PAN2: variants seen among roughly 807,000 people sequenced by gnomAD.
PAN2 encodes the protein PAN2-PAN3 deadenylation complex catalytic subunit PAN2.
In PAN2, 68 loss-of-function variants were observed where a neutral mutation model predicts 133.3. The ratio of observed to expected loss-of-function variants is 0.51; its 90% confidence interval spans 0.42 to 0.62. The LOEUF (loss-of-function observed/expected upper bound fraction) is 0.62. Ranked by LOEUF, PAN2 falls within the 20% of genes least tolerant of loss-of-function variation. The pLI is 0.00. For missense variants in PAN2, 1,042 were observed against 1,500.5 expected (o/e 0.69, Z 5.05); for synonymous variants, 462 against 544.6 (o/e 0.85, Z 2.11).
intron 9 of PAN2, 91 bp downstream of exon 9, chr12:56,325,244 C>T: frequency 6.3e-7 from 1 of 1,586,622 alleles, no homozygotes; most frequent in Non-Finnish European, 8.6e-7. Context: ...AGTTGAAGGC[C>T]TCCTGACTGA....
intron 2 of PAN2, chr12:56,332,600 GA>G (rs373985446): frequency 0.18 from 56,822 of 319,234 alleles, 181 homozygotes; most frequent in East Asian, 0.24. Context: ...ACCCTGTCTC[GA>G]AAAAAAAAAA....
intron 8 of PAN2, among the ~76,000 whole-genome samples, chr12:56,325,822 G>A (rs538606214): frequency 9.2e-5 from 14 of 152,242 alleles, no homozygotes; most frequent in African/African-American, 2.6e-4. Context: ...CAGCTACTCC[G>A]GCCAGACTGG....
At position 56,319,607 on chromosome 12, in the gene PAN2, C is replaced by T. The variant is rs1341022975; in HGVS notation, c.3090+14G>A. On this transcript the variant is annotated intron_variant, in intron 22 of 25. Coordinates refer to ENST00000440411, the MANE Select transcript of PAN2 (RefSeq NM_014871.6). This position sits in a 1 kb window ranked among gnomAD's most constrained non-coding sequence, Gnocchi z 5.4. ...ACCAGGGTGTGCCTCACTTGCATCT[C>T]CATATCCTAATACCTGCTCCTGGGT... 6.2e-7 allele frequency: 1 copy of T among 1,601,008 alleles called. No homozygotes were observed. Among genetic ancestry groups the T allele is most frequent in the Non-Finnish European group, 8.5e-7 (1 of 1,173,878 alleles).
At chr12:56,331,113 AC>A (rs1272681754) in intron 2 of PAN2, among the ~76,000 whole-genome samples, 1 of 152,054 alleles carries the variant, frequency 6.6e-6, no homozygotes, top group Middle Eastern at 3.2e-3. Context: ...ATTTTTCTTA[AC>A]AGTACTAATC....
At chr12:56,323,421 T>C in intron 15 of PAN2, 37 bp from the exon 16 acceptor site, 1 of 1,611,300 alleles carries the variant, frequency 6.2e-7, no homozygotes, top group Non-Finnish European at 8.5e-7. Context: ...TCTTCAGGAA[T>C]GTAATCATAT....
chr12:56,326,956 T>C lies in PAN2; in HGVS notation c.923A>G (p.Gln308Arg). Reference protein sequence around the residue: ...SRLAIISQSGQCQFCEPTGLA... With the variant: ...SRLAIISQSGRCQFCEPTGLA... Reference sequence around the variant, plus strand: ...GCCTGTGGGTTCACAGAATTGGCACTGCCCTACAAAGGAGGAAGAAACCCA... The same window carrying C: ...GCCTGTGGGTTCACAGAATTGGCACCGCCCTACAAAGGAGGAAGAAACCCA... Residue 308 changes from glutamine to arginine, a missense_variant, in exon 7 of 26, where the codon CAG (glutamine) becomes CGG (arginine). Coordinates refer to ENST00000440411, the MANE Select transcript of PAN2 (RefSeq NM_014871.6). 6.2e-7 allele frequency: 1 copy of C among 1,612,006 alleles called. No homozygotes were observed. The highest frequency in any genetic ancestry group is 1.1e-5 in the South Asian group (1 of 91,038).
At position 56,322,502 on chromosome 12, in the gene PAN2, G is replaced by C; in HGVS notation, c.2638-20C>G. On this transcript the variant is annotated intron_variant, in intron 18 of 25. Coordinates refer to ENST00000440411, the MANE Select transcript of PAN2 (RefSeq NM_014871.6). ...AACGCCCTATGGAAATACAAAGAAAGCCTGTGGCGATACAAATTGATGGCT... is the reference window on the plus strand; with the variant it reads ...AACGCCCTATGGAAATACAAAGAAACCCTGTGGCGATACAAATTGATGGCT... 2 of 1,613,104 alleles carry C rather than the reference G, an allele frequency of 1.2e-6. No individual in the cohort carries two copies. The highest frequency in any genetic ancestry group is 1.7e-6 in the Non-Finnish European group (2 of 1,179,034).
At chr12:56,332,219 C>A (rs535541370) in intron 2 of PAN2, among the ~76,000 whole-genome samples, 2 of 152,170 alleles carry the variant, frequency 1.3e-5, no homozygotes, top group East Asian at 3.9e-4. Flanking sequence ...GGGGCAACAG[C>A]AATTGAGATT....
At chr12:56,327,694 C>G in intron 5 of PAN2, 63 bp from the exon 6 acceptor site, 1 of 1,564,662 alleles carries the variant, frequency 6.4e-7, no homozygotes, top group Non-Finnish European at 8.8e-7. Context: ...TGCCACCTAC[C>G]TAACCCAGTG....
At position 56,319,270 on chromosome 12, in the gene PAN2, A is replaced by C; in HGVS notation, c.3270+38T>G. 2 of 1,611,608 alleles carry C rather than the reference A, an allele frequency of 1.2e-6. No homozygotes were observed. The highest frequency in any genetic ancestry group is 8.5e-7 in the Non-Finnish European group (1 of 1,178,516). On this transcript the variant is annotated intron_variant, in intron 23 of 25. Coordinates refer to ENST00000440411, the MANE Select transcript of PAN2 (RefSeq NM_014871.6). The surrounding 1 kb of genome is among the most constrained non-coding windows in gnomAD (Gnocchi z 5.4). ...GCACAATGTATACCCTGAGGGGCCC[A>C]CTCTCACAAGAAGACTCTTAAAAGA... is the stretch of plus-strand genomic sequence containing the variant.
intron 25 of PAN2, 88 bp from the exon 26 acceptor site, chr12:56,317,731 A>G (rs1874062454): frequency 2.7e-6 from 3 of 1,109,108 alleles, no homozygotes; most frequent in Middle Eastern, 2.0e-4. Flanking sequence ...AATGCAAGAG[A>G]AAAAAGGGCA....
intron 19 of PAN2, 65 bp downstream of exon 19, chr12:56,322,358 C>A: frequency 7.5e-7 from 1 of 1,336,812 alleles, no homozygotes; most frequent in Non-Finnish European, 1.1e-6. Flanking sequence ...TTCTATAGAG[C>A]CCTAAAGATA....
At position 56,331,511 on chromosome 12, in the gene PAN2, T is replaced by C. The variant is rs149357917; in HGVS notation, c.282+1302A>G. ...CCATGAAATTATCTGGTTTTGTATA[T>C]GTTTTTTACCTCACTGTCCTGTAAA... On this transcript the variant is annotated intron_variant, in intron 2 of 25. Coordinates refer to ENST00000440411, the MANE Select transcript of PAN2 (RefSeq NM_014871.6). 6.4e-4 allele frequency among the ~76,000 whole-genome samples: 97 copies of C among 152,332 alleles called. No homozygotes were observed. The East Asian group carries it at 0.013, about 21-fold the overall frequency.
At position 56,323,048 on chromosome 12, in the gene PAN2, G is replaced by A. The variant is rs376217023; in HGVS notation, c.2493+14C>T. ...CTCCCTTATTCCCTTTCCTCTTCCCGGTTTTTCAACAACCTGCATCTCATC... is the reference window on the plus strand; with the variant it reads ...CTCCCTTATTCCCTTTCCTCTTCCCAGTTTTTCAACAACCTGCATCTCATC... On this transcript the variant is annotated intron_variant, in intron 17 of 25. Coordinates refer to ENST00000440411, the MANE Select transcript of PAN2 (RefSeq NM_014871.6). 34 of 1,613,340 alleles carry A rather than the reference G, an allele frequency of 2.1e-5. No homozygotes were observed. In the Middle Eastern group the frequency reaches 5.2e-4, roughly 25 times the overall value.
chr12:56,329,444 T>G (rs1406671366), intron 2 of PAN2, among the ~76,000 whole-genome samples: 1 of 152,018 alleles, frequency 6.6e-6, no homozygotes, highest in Non-Finnish European at 1.5e-5. Flanking sequence ...CAAGCAATTC[T>G]CCTGCCTCCC....
chr12:56,319,440 G>A lies in PAN2; in HGVS notation c.3138C>T (p.Leu1046=), dbSNP rs752752237. Residue 1046 remains leucine (L), a synonymous_variant, in exon 23 of 26, where the codon CTC becomes CTT. Transcript: ENST00000440411. The surrounding 1 kb of genome is among the most constrained non-coding windows in gnomAD (Gnocchi z 5.4). The part of the protein sequence containing the change: ...TQYSGIKPGD[L]DAKISSKHLT... ...GGTGCTTGGAGGAAATTTTGGCATCGAGGTCACCAGGCTTTATACCCGAGT... is the reference window on the plus strand; with the variant it reads ...GGTGCTTGGAGGAAATTTTGGCATCAAGGTCACCAGGCTTTATACCCGAGT... The A allele has an allele frequency of 1.9e-6, 3 of 1,614,088 alleles. No homozygotes were observed. Among genetic ancestry groups the A allele is most frequent in the Middle Eastern group, 1.6e-4 (1 of 6,062 alleles).
At chr12:56,329,119 A>C (rs1054194736) in intron 2 of PAN2, among the ~76,000 whole-genome samples, 2 of 152,236 alleles carry the variant, frequency 1.3e-5, no homozygotes, top group Non-Finnish European at 2.9e-5. Flanking sequence ...GGATACCAAG[A>C]AGATGATGGT....
chr12:56,318,354 G>T lies in PAN2; in HGVS notation c.3445C>A (p.Leu1149Ile), dbSNP rs757476374. 2 of 1,613,848 alleles carry T rather than the reference G, an allele frequency of 1.2e-6. No individual in the cohort carries two copies. The highest frequency in any genetic ancestry group is 2.7e-5 in the African/African-American group (2 of 74,890). Residue 1149 changes from leucine to isoleucine, a missense_variant, in exon 25 of 26, where the codon CTA becomes ATA. Physicochemically the swap from Leu to Ile is conservative, Grantham distance 5. Coordinates refer to ENST00000440411, the MANE Select transcript of PAN2 (RefSeq NM_014871.6). ...TCAGGCTCAGTGCCATTTTTGCTTAGCTCCAGATACTTTCGGTACAGCTGA... is the reference window on the plus strand; with the variant it reads ...TCAGGCTCAGTGCCATTTTTGCTTATCTCCAGATACTTTCGGTACAGCTGA... ...ALQLYRKYLE[L>I]SKNGTEPESF...
chr12:56,333,216 G>A lies in PAN2; in HGVS notation c.-114-8C>T. On this transcript the variant is annotated splice_polypyrimidine_tract_variant and splice_region_variant and intron_variant, in intron 1 of 25. Coordinates refer to ENST00000440411, the MANE Select transcript of PAN2 (RefSeq NM_014871.6). Reference sequence around the variant, plus strand: ...TAGAATGGACATCCTGGCCTGTAAGGGGAAAGAGGTAGCTGAGTCAAGGGT... The same window carrying A: ...TAGAATGGACATCCTGGCCTGTAAGAGGAAAGAGGTAGCTGAGTCAAGGGT... The A allele has an allele frequency of 9.6e-7, 1 of 1,036,624 alleles. No homozygotes were observed. Among genetic ancestry groups the A allele is most frequent in the Non-Finnish European group, 1.4e-6 (1 of 705,236 alleles). The allele number at this position is 1,036,624 out of a possible 1,614,324, so 64.2% of individuals were successfully genotyped here.
Sources: allele counts gnomAD v4.1 joint callset (sites outside exome capture counted in the v4.1 genomes callset), GRCh38; gene constraint gnomAD v4.1.1; non-coding constraint Gnocchi (gnomAD v3.1); transcripts MANE v1.5; gene names NCBI Gene and HGNC (gene_info 2026-07-23, HGNC 2026-07-21).